SH3KBP1: variants seen among roughly 807,000 people sequenced by gnomAD.
SH3KBP1 encodes SH3 domain containing kinase binding protein 1.
In SH3KBP1, 8 loss-of-function variants were observed where a neutral mutation model predicts 50.1. The observed-to-expected ratio is 0.16, with a 90% CI of 0.09 to 0.29. The LOEUF (loss-of-function observed/expected upper bound fraction) is 0.29. Among genes scored for constraint, SH3KBP1 ranks in the 10% least tolerant of loss-of-function variants. SH3KBP1 has a pLI of 1.00. For synonymous variants in SH3KBP1, 227 were observed against 218.6 expected (o/e 1.04, Z -0.34); for missense variants, 377 against 535.2 (o/e 0.70, Z 2.92).
rs1034978481 is a variant in SH3KBP1, at chrX:19,553,510, C to T, written c.1385-3427G>A. On this transcript the variant is annotated intron_variant, in intron 13 of 17. Coordinates refer to ENST00000397821, the MANE Select transcript of SH3KBP1 (RefSeq NM_031892.3). ...GTTCCTAGGGAAAACATGCTGGTTC[C>T]TCTGTCAATAAAGGAACAAGCGAAC... is the stretch of plus-strand genomic sequence containing the variant. Among the ~76,000 whole-genome samples the T allele has an allele frequency of 4.5e-5, 5 of 110,796 alleles. No homozygotes were observed. In the Admixed American group the frequency reaches 4.9e-4, roughly 11 times the overall value.
chrX:19,707,560 C>T (rs1372488062), intron 3 of SH3KBP1, among the ~76,000 whole-genome samples: 3 of 111,422 alleles, frequency 2.7e-5, no homozygotes. Flanking sequence ...AACAAATCTA[C>T]TTCTGTCCTC....
intron 1 of SH3KBP1, among the ~76,000 whole-genome samples, chrX:19,846,971 T>C (rs1214785667): frequency 9.0e-6 from 1 of 111,710 alleles, no homozygotes; most frequent in Admixed American, 9.6e-5. Context: ...AAAGCCTTCC[T>C]GTTGATTTCA....
At chrX:19,663,866 A>G (rs112932629) in intron 6 of SH3KBP1, among the ~76,000 whole-genome samples, 18 of 112,140 alleles carry the variant, frequency 1.6e-4, no homozygotes, top group African/African-American at 5.8e-4. Context: ...CAAGAGGACC[A>G]CCTGACGCCA....
At chrX:19,784,870 A>C (rs765454407) in intron 2 of SH3KBP1, among the ~76,000 whole-genome samples, 15 of 111,408 alleles carry the variant, frequency 1.3e-4, no homozygotes, top group African/African-American at 4.9e-4. Context: ...CGGCCTCCCA[A>C]AGTGCTGGGA....
intron 1 of SH3KBP1, among the ~76,000 whole-genome samples, chrX:19,882,012 G>A (rs1461723642): frequency 9.0e-6 from 1 of 111,164 alleles, no homozygotes; most frequent in Non-Finnish European, 1.9e-5. Flanking sequence ...GGCAGGCTAT[G>A]TGAGGAAAGG....
At chrX:19,738,288 G>A (rs1177504695) in intron 3 of SH3KBP1, among the ~76,000 whole-genome samples, 2 of 110,917 alleles carry the variant, frequency 1.8e-5, no homozygotes, top group Non-Finnish European at 3.8e-5. Flanking sequence ...GTCTCTCCCC[G>A]CATCCCTCCT....
rs761536120 is a variant in SH3KBP1 at position 19,536,447 on chromosome X, G to A, written c.1968C>T (p.Asn656=). ...TTGATTGTAGAGCTTTCTTTATGTC[G>A]TTCACTTCCATCTAGAAAGAGAAAA... ...KIRLRLQMEV[N]DIKKALQSK The change falls in exon 18 of 18, where the codon AAC becomes AAT. Residue 656 remains asparagine (N), a synonymous_variant. Transcript: ENST00000397821. 20 of 1,132,156 alleles carry A rather than the reference G, an allele frequency of 1.8e-5. No homozygotes were observed. Among genetic ancestry groups the A allele is most frequent in the Middle Eastern group, 2.4e-4 (1 of 4,115 alleles). The allele number at this position is 1,132,156 out of a possible 1,213,427, so 93.3% of individuals were successfully genotyped here.
At chrX:19,689,757 A>G (rs1192575915) in intron 5 of SH3KBP1, among the ~76,000 whole-genome samples, 6 of 112,440 alleles carry the variant, frequency 5.3e-5, no homozygotes, top group African/African-American at 1.6e-4. Flanking sequence ...TTTAAAATTT[A>G]CACACAAAAC....
At chrX:19,844,904 G>A (rs1177130248) in intron 1 of SH3KBP1, among the ~76,000 whole-genome samples, 1 of 109,876 alleles carries the variant, frequency 9.1e-6, no homozygotes, top group Admixed American at 9.7e-5. Context: ...ATGGTGAAAC[G>A]CCGTCTCTAC....
rs759258145 is a variant in SH3KBP1, at chrX:19,592,448, T to A, written c.1058-301A>T. Among the ~76,000 whole-genome samples the A allele has an allele frequency of 6.3e-5, 7 of 111,610 alleles. No individual in the cohort carries two copies. In the South Asian group the frequency reaches 2.7e-3, roughly 43 times the overall value. ...AATATAGTCACAGGAAATCACCGGGTGGGGGTGGAGAATGTGTATAAATAA... is the reference window on the plus strand; with the variant it reads ...AATATAGTCACAGGAAATCACCGGGAGGGGGTGGAGAATGTGTATAAATAA... On this transcript the variant is annotated intron_variant, in intron 10 of 17. Coordinates refer to ENST00000397821, the MANE Select transcript of SH3KBP1 (RefSeq NM_031892.3).
At chrX:19,761,010 GAGA>G (rs1455365641) in intron 2 of SH3KBP1, among the ~76,000 whole-genome samples, 1 of 107,117 alleles carries the variant, frequency 9.3e-6, no homozygotes, top group African/African-American at 3.4e-5. Context: ...AAACAAGAAA[GAGA>G]AGGACGCAAG....
chrX:19,590,192 G>A (rs2066701819), intron 11 of SH3KBP1, among the ~76,000 whole-genome samples: 1 of 112,068 alleles, frequency 8.9e-6, no homozygotes, highest in Non-Finnish European at 1.9e-5. Context: ...AATCAGGAAT[G>A]CTGGCAACTC....
intron 13 of SH3KBP1, among the ~76,000 whole-genome samples, chrX:19,565,602 G>A (rs917544571): frequency 9.0e-6 from 1 of 111,539 alleles, no homozygotes; most frequent in African/African-American, 3.3e-5. Flanking sequence ...CGATGGAAGA[G>A]GGGAGATGAA....
At chrX:19,634,697 C>G (rs1275846820) in intron 7 of SH3KBP1, among the ~76,000 whole-genome samples, 1 of 111,641 alleles carries the variant, frequency 9.0e-6, no homozygotes, top group Non-Finnish European at 1.9e-5. Flanking sequence ...GGTTGGGTTC[C>G]CAGCTGGGCT....
At chrX:19,536,726 C>T (rs1449526374) in intron 17 of SH3KBP1, among the ~76,000 whole-genome samples, 1 of 111,996 alleles carries the variant, frequency 8.9e-6, no homozygotes, top group African/African-American at 3.2e-5. Flanking sequence ...AGCAATAATT[C>T]CAGTTTCTTA....
At chrX:19,839,251 T>C (rs1207558089) in intron 1 of SH3KBP1, among the ~76,000 whole-genome samples, 1 of 110,197 alleles carries the variant, frequency 9.1e-6, no homozygotes, top group Admixed American at 9.7e-5. Context: ...TAGGAGCTTC[T>C]CTGGGGTTTT....
At chrX:19,748,520 GC>G (rs918948502) in intron 2 of SH3KBP1, among the ~76,000 whole-genome samples, 2 of 111,798 alleles carry the variant, frequency 1.8e-5, no homozygotes, top group African/African-American at 3.3e-5. Context: ...AGAGAGGCTG[GC>G]CCATAAATTC....
chrX:19,663,463 A>C (rs903684505), intron 6 of SH3KBP1, among the ~76,000 whole-genome samples: 1 of 111,336 alleles, frequency 9.0e-6, no homozygotes, highest in African/African-American at 3.3e-5. Flanking sequence ...AGTTCCGGAG[A>C]GCAGCAGTCC....
At chrX:19,706,836 G>A (rs759599797) in intron 4 of SH3KBP1, 45 bp downstream of exon 4, 2 of 1,017,139 alleles carry the variant, frequency 2.0e-6, no homozygotes, top group South Asian at 1.9e-5. Flanking sequence ...CAGTGACTAT[G>A]ACAGCCCATT....
Sources: allele counts gnomAD v4.1 joint callset (sites outside exome capture counted in the v4.1 genomes callset), GRCh38; gene constraint gnomAD v4.1.1; transcripts MANE v1.5; gene names NCBI Gene and HGNC (gene_info 2026-07-23, HGNC 2026-07-21).